The following BPIFA2 variants were observed in gnomAD, a reference collection of about 807,000 sequenced individuals.
BPIFA2 encodes the protein BPI fold-containing family A member 2.
A neutral mutation model predicts 25.7 loss-of-function variants in BPIFA2; 20 were observed. The ratio of observed to expected loss-of-function variants is 0.78; its 90% confidence interval spans 0.55 to 1.13. The LOEUF (loss-of-function observed/expected upper bound fraction) is 1.13, where lower values mean the gene tolerates loss of function less well. BPIFA2 is among the 50% of genes most tolerant of loss of function. BPIFA2 has a pLI of 0.00. For missense variants in BPIFA2, 300 were observed against 298.1 expected, an observed-to-expected ratio of 1.01 and a Z score of -0.05; for synonymous variants, 126 against 124.3, an observed-to-expected ratio of 1.01 and a Z score of -0.09.
At chr20:33,178,114 G>T in intron 5 of BPIFA2, 33 bp from the exon 6 acceptor site, 1 of 1,535,986 alleles carries the variant, frequency 6.5e-7, no homozygotes, top group South Asian at 1.2e-5. Flanking sequence ...TTGCCCACTT[G>T]ACCAGACTTT....
intron 5 of BPIFA2, among the ~76,000 whole-genome samples, chr20:33,177,684 C>A (rs181861513): frequency 6.6e-6 from 1 of 152,106 alleles, no homozygotes; most frequent in Non-Finnish European, 1.5e-5. Context: ...CTTAGGTAAG[C>A]AGTCAGGGAG....
intron 2 of BPIFA2, 108 bp from the exon 3 acceptor site, chr20:33,172,824 A>C: frequency 8.1e-7 from 1 of 1,238,032 alleles, no homozygotes; most frequent in South Asian, 1.6e-5. Flanking sequence ...CTGAGTTGTT[A>C]TAAAGATTAA....
chr20:33,177,297 G>A (rs189665217), intron 5 of BPIFA2, among the ~76,000 whole-genome samples: 2 of 151,950 alleles, frequency 1.3e-5, no homozygotes, highest in Admixed American at 1.3e-4. Flanking sequence ...AGAGGTTGCA[G>A]TGAGCCGAGA....
chr20:33,177,354 C>CAAAA (rs57465925), intron 5 of BPIFA2, among the ~76,000 whole-genome samples: 1 of 120,820 alleles, frequency 8.3e-6, no homozygotes, highest in African/African-American at 2.7e-5. Context: ...GACATTGTCT[C>CAAAA]AAAAAAAAAA....
chr20:33,170,781 T>G (rs1983873072), intron 2 of BPIFA2, among the ~76,000 whole-genome samples: 1 of 152,220 alleles, frequency 6.6e-6, no homozygotes, highest in Admixed American at 6.5e-5. Flanking sequence ...ATTGCTTTCT[T>G]TTGGTGCAAC....
chr20:33,169,891 T>TA (rs1285291986), intron 2 of BPIFA2, among the ~76,000 whole-genome samples: 1 of 152,264 alleles, frequency 6.6e-6, no homozygotes, highest in Admixed American at 6.5e-5. Flanking sequence ...CTAGCCTTGG[T>TA]ATCTGTAAAG....
intron 1 of BPIFA2, among the ~76,000 whole-genome samples, chr20:33,162,763 G>A (rs558857970): frequency 6.6e-5 from 10 of 152,308 alleles, no homozygotes; most frequent in Admixed American, 4.6e-4. Flanking sequence ...GCCCCTGCAA[G>A]ATAAATATAC....
At chr20:33,164,453 C>G (rs1983664245), upstream of BPIFA2, among the ~76,000 whole-genome samples, 1 of 152,162 alleles carries the variant, frequency 6.6e-6, no homozygotes, top group South Asian at 2.1e-4. Flanking sequence ...ATGCTGTGGT[C>G]TTGCCCTCAG....
intron 3 of BPIFA2, among the ~76,000 whole-genome samples, chr20:33,173,640 G>C (rs1045804535): frequency 6.6e-6 from 1 of 152,278 alleles, no homozygotes; most frequent in South Asian, 2.1e-4. Flanking sequence ...GAGTAGCTGG[G>C]ATTAGAGGCA....
upstream of BPIFA2, among the ~76,000 whole-genome samples, chr20:33,165,995 C>G (rs1487843468): frequency 6.6e-6 from 1 of 152,060 alleles, no homozygotes; most frequent in Non-Finnish European, 1.5e-5. Flanking sequence ...AATCTTATGA[C>G]AGATGCTCCT....
At chr20:33,162,432 C>T (rs1430984081) in intron 1 of BPIFA2, among the ~76,000 whole-genome samples, 2 of 152,200 alleles carry the variant, frequency 1.3e-5, no homozygotes, top group African/African-American at 4.8e-5. Flanking sequence ...TCTCAGACAG[C>T]GGCCATGCCT....
intron 2 of BPIFA2, among the ~76,000 whole-genome samples, chr20:33,171,669 A>C (rs1316821000): frequency 1.3e-5 from 2 of 152,274 alleles, no homozygotes; most frequent in African/African-American, 2.4e-5. Context: ...AGAGAAATGC[A>C]AATCAAAACC....
intron 7 of BPIFA2, 107 bp from the exon 8 acceptor site, chr20:33,180,413 C>G: frequency 1.6e-6 from 2 of 1,238,176 alleles, no homozygotes; most frequent in Non-Finnish European, 2.4e-6. Flanking sequence ...TCCCTGGGGT[C>G]CCACAACTGT....
chr20:33,177,066 T>C (rs964985513), intron 5 of BPIFA2, among the ~76,000 whole-genome samples: 1 of 152,224 alleles, frequency 6.6e-6, no homozygotes, highest in Non-Finnish European at 1.5e-5. Flanking sequence ...GCCAAAAATG[T>C]ATTGAGGCTG....
intron 4 of BPIFA2, 44 bp downstream of exon 4, chr20:33,174,230 C>A: frequency 6.3e-7 from 1 of 1,578,426 alleles, no homozygotes; most frequent in Non-Finnish European, 8.7e-7. Context: ...GGCAGTGCAA[C>A]CTGGCCGATG....
intron 5 of BPIFA2, among the ~76,000 whole-genome samples, chr20:33,177,319 C>T (rs1984113451): frequency 6.6e-6 from 1 of 151,136 alleles, no homozygotes; most frequent in Admixed American, 6.6e-5. Context: ...CGTGCCACTG[C>T]ACTCCAGTCT....
At chr20:33,168,873 C>T (rs1480882589) in intron 1 of BPIFA2, among the ~76,000 whole-genome samples, 1 of 152,196 alleles carries the variant, frequency 6.6e-6, no homozygotes, top group African/African-American at 2.4e-5. Flanking sequence ...GAGAAGACAG[C>T]GTATGAAAAG....
intron 3 of BPIFA2, 114 bp from the exon 4 acceptor site, chr20:33,173,965 T>A (rs937545606): frequency 5.1e-6 from 4 of 788,852 alleles, no homozygotes; most frequent in Non-Finnish European, 8.9e-6. Flanking sequence ...TAGTGAAGAC[T>A]AAAGAAGGCA....
Position 33,178,195 on chromosome 20 carries a change from GA to G in BPIFA2, c.616del (p.Ser206AlafsTer14). 1 of 1,606,224 alleles carries G rather than the reference GA, an allele frequency of 6.2e-7. No homozygotes were observed. The highest frequency in any genetic ancestry group is 1.1e-5 in the South Asian group (1 of 90,178). ...TCGTGAATAGCGTGATCAACACGCT[GA>G]AAAGCACTGTATCCTCCCTGCTGCA... ...KFVNSVINTL[K>X]STVSSLLQKE... On this transcript the variant is annotated frameshift_variant, in exon 6 of 9. Transcript: ENST00000354932. LOFTEE classifies it high-confidence loss of function.
Sources: gnomAD v4.1 joint callset for allele counts (sites outside exome capture counted in the v4.1 genomes callset) on GRCh38, gnomAD v4.1.1 for gene constraint, MANE v1.5 for transcripts, NCBI Gene and HGNC (gene_info 2026-07-23, HGNC 2026-07-21) for gene names.